FBLN1: variants seen among roughly 807,000 people sequenced by gnomAD.
The protein encoded by FBLN1 is fibulin 1.
In FBLN1, 34 loss-of-function variants were observed where a neutral mutation model predicts 89.7. The observed-to-expected ratio is 0.38, with a 90% CI of 0.29 to 0.50. The LOEUF is 0.50. Among genes scored for constraint, FBLN1 ranks in the 20% least tolerant of loss-of-function variants. FBLN1 has a pLI of 0.92. For synonymous variants in FBLN1, 393 were observed against 391.3 expected (o/e 1.00, Z -0.05); for missense variants, 777 against 988.1 (o/e 0.79, Z 2.86).
chr22:45,571,111 C>CAAAAAAAAAAAAAAAAAAAAAAA (rs542647353), intron 14 of FBLN1, among the ~76,000 whole-genome samples: 1 of 70,862 alleles, frequency 1.4e-5, no homozygotes, highest in Non-Finnish European at 2.5e-5. Flanking sequence ...ACAAGAGTCT[C>CAAAAAAAAAAAAAAAAAAAAAAA]AAAAAAAAAA....
chr22:45,594,381 C>T (rs1162965087), intron 16 of FBLN1, among the ~76,000 whole-genome samples: 1 of 152,226 alleles, frequency 6.6e-6, no homozygotes, highest in African/African-American at 2.4e-5. Flanking sequence ...CCTCATCTGC[C>T]TGCCTCTCCC....
intron 14 of FBLN1, among the ~76,000 whole-genome samples, chr22:45,567,976 C>T (rs899350154): frequency 2.6e-5 from 4 of 152,136 alleles, no homozygotes; most frequent in Non-Finnish European, 5.9e-5. Context: ...CTGGCGCAGG[C>T]TTGCTCTTGG....
At chr22:45,600,157 C>T in intron 16 of FBLN1, 150 bp from the exon 17 acceptor site, 1 of 896,086 alleles carries the variant, frequency 1.1e-6, no homozygotes, top group Non-Finnish European at 1.8e-6. Flanking sequence ...AGATGTTATT[C>T]AGGGGACTCG....
intron 14 of FBLN1, among the ~76,000 whole-genome samples, chr22:45,564,615 C>A (rs116303782): frequency 6.6e-6 from 1 of 152,256 alleles, no homozygotes; most frequent in Non-Finnish European, 1.5e-5. Context: ...CCGTCCTTCT[C>A]ATGACCCCTT....
intron 8 of FBLN1, among the ~76,000 whole-genome samples, chr22:45,535,863 G>A (rs921789370): frequency 6.6e-6 from 1 of 152,246 alleles, no homozygotes; most frequent in Admixed American, 6.5e-5. Context: ...CCTGCCACAG[G>A]CATTTAGCCT....
chr22:45,542,220 G>C lies in FBLN1; in HGVS notation c.1132G>C (p.Gly378Arg). 6.2e-7 allele frequency: 1 copy of C among 1,614,152 alleles called. No individual in the cohort carries two copies. The highest frequency in any genetic ancestry group is 8.5e-7 in the Non-Finnish European group (1 of 1,180,038). ...GGGACATCGCTGCGTGAACTCTCCC[G>C]GCAGTTTCCGCTGCGAATGCAAGAC... ...GKGHRCVNSP[G>R]SFRCECKTGY... Residue 378 changes from glycine (G) to arginine (R), a missense_variant, in exon 10 of 17, where the codon GGC becomes CGC. By Grantham distance (125) the Gly-to-Arg change is moderately radical. Transcript: ENST00000327858.
chr22:45,563,772 G>T lies in FBLN1; in HGVS notation c.1698-10739G>T, dbSNP rs1262281233. On this transcript the variant is annotated intron_variant, in intron 14 of 16. Coordinates refer to ENST00000327858, the MANE Select transcript of FBLN1 (RefSeq NM_006486.3). The surrounding 1 kb of genome is among the most constrained non-coding windows in gnomAD (Gnocchi z 5.7). ...GAAGCGGGTCTGCTGGCCCCTGCCT[G>T]GTTCTTTGCTGTATCCCCGGAGGTG... is the stretch of plus-strand genomic sequence containing the variant. Among the ~76,000 whole-genome samples, 1 of 152,284 alleles carries T rather than the reference G, an allele frequency of 6.6e-6. No homozygotes were observed. The highest frequency in any genetic ancestry group is 1.9e-4 in the East Asian group (1 of 5,174).
intron 16 of FBLN1, among the ~76,000 whole-genome samples, chr22:45,595,689 A>ATAAG (rs1601548067): frequency 1.3e-5 from 2 of 152,304 alleles, no homozygotes; most frequent in East Asian, 3.8e-4. Context: ...TCCAAGAGAA[A>ATAAG]TACTTAACAC....
chr22:45,504,035 C>T (rs905598455), intron 1 of FBLN1, among the ~76,000 whole-genome samples: 1 of 152,176 alleles, frequency 6.6e-6, no homozygotes, highest in African/African-American at 2.4e-5. Flanking sequence ...GCACTCCTGG[C>T]GTCTTTGTTT....
At chr22:45,505,766 T>C (rs1329133013) in intron 1 of FBLN1, among the ~76,000 whole-genome samples, 1 of 152,116 alleles carries the variant, frequency 6.6e-6, no homozygotes. Context: ...ATATTATTAT[T>C]ATTATTATTT....
At chr22:45,534,259 G>A (rs1005500818) in intron 7 of FBLN1, among the ~76,000 whole-genome samples, 1 of 122,818 alleles carries the variant, frequency 8.1e-6, no homozygotes, top group Non-Finnish European at 1.6e-5. Flanking sequence ...TCAAGACCAG[G>A]GATGAATTTC....
At chr22:45,552,234 G>A (rs1478182739) in intron 14 of FBLN1, among the ~76,000 whole-genome samples, 1 of 152,244 alleles carries the variant, frequency 6.6e-6, no homozygotes, top group African/African-American at 2.4e-5. Context: ...GGTGGGCAGG[G>A]GGCTGTCTGG....
In FBLN1 at chr22:45,527,927, C is replaced by T. The variant is rs1391820738; in HGVS notation, c.402C>T (p.Tyr134=). ...QSCEYSLMVG[Y]QCGQVFQACC... ...GCGAGTACAGCCTCATGGTTGGCTA[C>T]CAGTGTGGACAGGTCTTCCAGGCAT... The change falls in exon 4 of 17, where the codon TAC becomes TAT. Residue 134 remains tyrosine (Y), a synonymous_variant. Transcript: ENST00000327858. 1.2e-6 allele frequency: 2 copies of T among 1,614,056 alleles called. No homozygotes were observed. Among genetic ancestry groups the T allele is most frequent in the Non-Finnish European group, 1.7e-6 (2 of 1,180,036 alleles).
In FBLN1 at chr22:45,550,234, A is replaced by G. The variant is rs2088684204; in HGVS notation, c.1574-258A>G. On this transcript the variant is annotated intron_variant, in intron 13 of 16. Coordinates refer to ENST00000327858, the MANE Select transcript of FBLN1 (RefSeq NM_006486.3). This position sits in a 1 kb window ranked among gnomAD's most constrained non-coding sequence, Gnocchi z 8.4. Reference sequence around the variant, plus strand: ...TTGCGAGGTACTCCCAGGACCCATCATGTAGTGTTTACTTTTACCATCGTC... The same window carrying G: ...TTGCGAGGTACTCCCAGGACCCATCGTGTAGTGTTTACTTTTACCATCGTC... Among the ~76,000 whole-genome samples the G allele has an allele frequency of 6.6e-6, 1 of 152,196 alleles. No individual in the cohort carries two copies. Among genetic ancestry groups the G allele is most frequent in the South Asian group, 2.1e-4 (1 of 4,824 alleles).
rs113000099 is a variant in FBLN1, at chr22:45,521,431, G to GC, written c.185+2646dup. ...TTGACTCATCCCAGTGGACACACAGGCCAGGGGCCACATACCTGTCCTAGG... is the reference window on the plus strand; with the variant it reads ...TTGACTCATCCCAGTGGACACACAGGCCCAGGGGCCACATACCTGTCCTAGG... On this transcript the variant is annotated intron_variant, in intron 2 of 16. Coordinates refer to ENST00000327858, the MANE Select transcript of FBLN1 (RefSeq NM_006486.3). Among the ~76,000 whole-genome samples the GC allele has an allele frequency of 3.4e-3, 520 of 152,300 alleles. 6 individuals carry two copies. The highest frequency in any genetic ancestry group is 0.012 in the African/African-American group (498 of 41,574).
chr22:45,591,466 C>T (rs1277506080), intron 16 of FBLN1, among the ~76,000 whole-genome samples: 3 of 152,202 alleles, frequency 2.0e-5, no homozygotes, highest in Non-Finnish European at 4.4e-5. Context: ...CTTCAGCTGT[C>T]CCCTCCAAAC....
intron 16 of FBLN1, among the ~76,000 whole-genome samples, chr22:45,596,495 A>G (rs998492306): frequency 1.1e-4 from 17 of 152,220 alleles, no homozygotes; most frequent in Non-Finnish European, 2.2e-4. Context: ...ATGGTCCCAC[A>G]TGCACCAGGA....
chr22:45,576,943 G>C lies in FBLN1; in HGVS notation c.1841-34G>C. 6.2e-7 allele frequency: 1 copy of C among 1,612,340 alleles called. No individual in the cohort carries two copies. The stretch of plus-strand genomic sequence containing the variant: ...CTGGGACTGGGGCTGGGGCCAGGCT[G>C]TGCTGAGCCCTTCTCCATTCTGTGC... On this transcript the variant is annotated intron_variant, in intron 15 of 16. Coordinates refer to ENST00000327858, the MANE Select transcript of FBLN1 (RefSeq NM_006486.3). This position sits in a 1 kb window ranked among gnomAD's most constrained non-coding sequence, Gnocchi z 5.2.
rs2088876227 is a variant in FBLN1 at position 45,563,666 on chromosome 22, C to T, written c.1698-10845C>T. 6.6e-6 allele frequency among the ~76,000 whole-genome samples: 1 copy of T among 152,178 alleles called. No individual in the cohort carries two copies. The highest frequency in any genetic ancestry group is 1.5e-5 in the Non-Finnish European group (1 of 68,028). On this transcript the variant is annotated intron_variant, in intron 14 of 16. Transcript: ENST00000327858. This position sits in a 1 kb window ranked among gnomAD's most constrained non-coding sequence, Gnocchi z 5.7. The stretch of plus-strand genomic sequence containing the variant: ...CTGAGCACAGTCCCCTCTCGTTTTA[C>T]AGATGTGGAAACTGAGGCCCAGAGA...
Sources: gnomAD v4.1 joint callset for allele counts (sites outside exome capture counted in the v4.1 genomes callset) on GRCh38, gnomAD v4.1.1 for gene constraint, Gnocchi (gnomAD v3.1) non-coding constraint, MANE v1.5 for transcripts, NCBI Gene and HGNC (gene_info 2026-07-23, HGNC 2026-07-21) for gene names.